TLE3: variants seen among roughly 807,000 people sequenced by gnomAD.
The protein encoded by TLE3 is transducin-like enhancer protein 3.
In TLE3, 14 loss-of-function variants were observed where a neutral mutation model predicts 93.0. That is an observed-to-expected ratio of 0.15 (90% CI 0.10 to 0.24). The LOEUF (loss-of-function observed/expected upper bound fraction) is 0.24. Ranked by LOEUF, TLE3 falls within the 10% of genes least tolerant of loss-of-function variation. The pLI, the probability that TLE3 is intolerant of heterozygous loss-of-function variation, is 1.00. For missense variants in TLE3, 693 were observed against 1,046.6 expected, an observed-to-expected ratio of 0.66 and a Z score of 4.66; for synonymous variants, 451 against 425.0, an observed-to-expected ratio of 1.06 and a Z score of -0.75.
At position 70,065,996 on chromosome 15, in the gene TLE3, G is replaced by GCCCCCCCCCCCCCC; in HGVS notation, c.577+17_577+18insGGGGGGGGGGGGGG. 1.5e-6 allele frequency: 2 copies of GCCCCCCCCCCCCCC among 1,347,796 alleles called. No homozygotes were observed. Among genetic ancestry groups the GCCCCCCCCCCCCCC allele is most frequent in the Non-Finnish European group, 2.1e-6 (2 of 955,752 alleles). The allele number at this position is 1,347,796 out of a possible 1,614,324, so 83.5% of individuals were successfully genotyped here. ...CCACCCCTGCCCCGCCCCACCCTCT[G>GCCCCCCCCCCCCCC]CCCCAGCCCAGCCGCACCTCTGTGA... is the stretch of plus-strand genomic sequence containing the variant. On this transcript the variant is annotated intron_variant, in intron 7 of 19. Coordinates refer to ENST00000451782, the MANE Select transcript of TLE3 (RefSeq NM_001105192.3).
At chr15:70,086,208 CAG>C (rs1053828002) in intron 4 of TLE3, among the ~76,000 whole-genome samples, 36 of 152,200 alleles carry the variant, frequency 2.4e-4, no homozygotes, top group African/African-American at 2.4e-5. Context: ...TCACCCCCAC[CAG>C]AGAGCTAGAA....
At chr15:70,064,083 G>A (rs1024493246) in intron 8 of TLE3, among the ~76,000 whole-genome samples, 8 of 152,166 alleles carry the variant, frequency 5.3e-5, no homozygotes, top group African/African-American at 9.7e-5. Context: ...CATATGAAAC[G>A]GAGTTAGAGC....
At position 70,057,509 on chromosome 15, in the gene TLE3, C is replaced by T. The variant is rs904014193; in HGVS notation, c.1201G>A (p.Ala401Thr). 6.8e-6 allele frequency: 11 copies of T among 1,607,516 alleles called. No individual in the cohort carries two copies. Among genetic ancestry groups the T allele is most frequent in the African/African-American group, 2.7e-5 (2 of 74,868 alleles). ...CGGCCATAGGCAGCGGCTGCAGCAG[C>T]GGCGGCGGCGCTCATCTGGGGTGGG... is the stretch of plus-strand genomic sequence containing the variant. ...NIPPQMSAAA[A>T]AAAAAYGRSP... Residue 401 changes from alanine (A) to threonine (T), a missense_variant, in exon 13 of 20, where the codon GCT becomes ACT. This residue lies in a region of TLE3 where 405 missense variants were observed against 468.9 expected (regional missense o/e 0.86). Coordinates refer to ENST00000451782, the MANE Select transcript of TLE3 (RefSeq NM_001105192.3).
intron 4 of TLE3, among the ~76,000 whole-genome samples, chr15:70,086,181 A>G (rs1450568404): frequency 6.6e-6 from 1 of 152,128 alleles, no homozygotes; most frequent in Non-Finnish European, 1.5e-5. Context: ...AGGAAGGTTA[A>G]TAGAAGTTCT....
intron 6 of TLE3, 152 bp downstream of exon 6, chr15:70,074,381 G>A (rs534838430): frequency 2.2e-6 from 2 of 926,998 alleles, no homozygotes; most frequent in African/African-American, 1.6e-5. Flanking sequence ...CCCTACATGG[G>A]TCCAAGCCCT....
intron 4 of TLE3, among the ~76,000 whole-genome samples, chr15:70,083,882 G>A (rs866808232): frequency 1.3e-5 from 2 of 152,122 alleles, no homozygotes; most frequent in African/African-American, 4.8e-5. Flanking sequence ...GGCAGAGACA[G>A]AGCCCCATTC....
rs538307572 is a variant in TLE3, at chr15:70,059,089, C to A, written c.766-274G>T. Among the ~76,000 whole-genome samples, 6 of 152,294 alleles carry A rather than the reference C, an allele frequency of 3.9e-5. No homozygotes were observed. The East Asian group carries it at 1.2e-3, about 29-fold the overall frequency. ...GGCCAAATGTAGATGCTCTCCAGCT[C>A]CTCCTCAGGCCCCTGAGGCTGAGAC... On this transcript the variant is annotated intron_variant, in intron 10 of 19. Transcript: ENST00000451782.
rs2055264607 is a variant in TLE3 at position 70,048,655 on chromosome 15, AAAAAC to A, written c.*1437_*1441del. The A allele has an allele frequency of 6.6e-6, 1 of 152,090 alleles. No individual in the cohort carries two copies. Among genetic ancestry groups the A allele is most frequent in the Non-Finnish European group, 1.5e-5 (1 of 67,990 alleles). The allele number at this position is 152,090 out of a possible 1,614,324, so 9.4% of individuals were successfully genotyped here. ...AAAAAAAAAAGACCAAAAGGAAAAA[AAAAAC>A]AAACAAAAAAAACCCAACCCAAATC... On this transcript the variant is annotated 3_prime_UTR_variant, in exon 20 of 20. Transcript: ENST00000451782.
intron 8 of TLE3, among the ~76,000 whole-genome samples, chr15:70,062,435 C>T (rs2056552290): frequency 6.6e-6 from 1 of 152,210 alleles, no homozygotes. Context: ...CGGTGCTCGG[C>T]TCGGGAGAAC....
Position 70,055,136 on chromosome 15 carries a change from G to C in TLE3, c.1491C>G (p.His497Gln). 1 of 1,614,054 alleles carries C rather than the reference G, an allele frequency of 6.2e-7. No individual in the cohort carries two copies. Among genetic ancestry groups the C allele is most frequent in the Non-Finnish European group, 8.5e-7 (1 of 1,179,996 alleles). ...CAVTISNPTR[H>Q]VYTGGKGCVK... Reference sequence around the variant, plus strand: ...CGCAGCCCTTGCCACCTGTGTAGACGTGCCTCGTGGGGTTGCTGATGGTCA... The same window carrying C: ...CGCAGCCCTTGCCACCTGTGTAGACCTGCCTCGTGGGGTTGCTGATGGTCA... Residue 497 changes from histidine (H) to glutamine (Q), a missense_variant, in exon 15 of 20, where the codon CAC becomes CAG. Coordinates refer to ENST00000451782, the MANE Select transcript of TLE3 (RefSeq NM_001105192.3).
rs1447056978 is a variant in TLE3, at chr15:70,096,812, C to A, written c.-14G>T. The stretch of plus-strand genomic sequence containing the variant: ...CTGCGGATACATGGCAGGGAGGGGT[C>A]GTGATTCCGAGAGCGTGGAAGCGCC... On this transcript the variant is annotated 5_prime_UTR_variant, in exon 1 of 20. Coordinates refer to ENST00000451782, the MANE Select transcript of TLE3 (RefSeq NM_001105192.3). 1 of 1,606,340 alleles carries A rather than the reference C, an allele frequency of 6.2e-7. No homozygotes were observed. The highest frequency in any genetic ancestry group is 1.1e-5 in the South Asian group (1 of 90,438).
At position 70,057,473 on chromosome 15, in the gene TLE3, C is replaced by A; in HGVS notation, c.1237G>T (p.Val413Leu). The A allele has an allele frequency of 6.2e-7, 1 of 1,604,440 alleles. No individual in the cohort carries two copies. The highest frequency in any genetic ancestry group is 8.5e-7 in the Non-Finnish European group (1 of 1,175,652). The change falls in exon 13 of 20, where the codon GTG (valine) becomes TTG (leucine). Residue 413 changes from valine to leucine, a missense_variant. By Grantham distance (32) the Val-to-Leu change is conservative (BLOSUM62 1). Coordinates refer to ENST00000451782, the MANE Select transcript of TLE3 (RefSeq NM_001105192.3). ...AAAAYGRSPMVSFGAVGFDPH... is the reference protein window; with the variant it reads ...AAAAYGRSPMLSFGAVGFDPH... ...GGTCTACGTACAGCTCCAAAGCTCA[C>A]CATTGGCGATCGGCCATAGGCAGCG...
chr15:70,074,313 G>A (rs2057334113), intron 6 of TLE3, among the ~76,000 whole-genome samples: 1 of 152,244 alleles, frequency 6.6e-6, no homozygotes, highest in Non-Finnish European at 1.5e-5. Flanking sequence ...TTTGAGGCGT[G>A]TCTGGCTCCC....
intron 6 of TLE3, among the ~76,000 whole-genome samples, chr15:70,071,608 A>G (rs562028009): frequency 6.6e-6 from 1 of 152,214 alleles, no homozygotes; most frequent in Admixed American, 6.5e-5. Flanking sequence ...CCAATGAGCA[A>G]GAGAGCCACT....
intron 4 of TLE3, among the ~76,000 whole-genome samples, chr15:70,078,445 G>A (rs1015000531): frequency 1.3e-5 from 2 of 152,244 alleles, no homozygotes; most frequent in African/African-American, 4.8e-5. Flanking sequence ...AAGCTCACAG[G>A]TCCAAGGCCT....
Position 70,049,977 on chromosome 15 carries a change from T to G in TLE3, c.*120A>C, listed in dbSNP as rs1474712007. 1.3e-6 allele frequency: 1 copy of G among 798,518 alleles called. No homozygotes were observed. Among genetic ancestry groups the G allele is most frequent in the Non-Finnish European group, 2.1e-6 (1 of 472,844 alleles). The allele number at this position is 798,518 out of a possible 1,614,324, so 49.5% of individuals were successfully genotyped here. On this transcript the variant is annotated 3_prime_UTR_variant, in exon 20 of 20. Transcript: ENST00000451782. ...CTCTCAGCCGGCCGGAGCGCAGCCC[T>G]GAACGCTCGGCTGCCTGCGGCCCAT... is the stretch of plus-strand genomic sequence containing the variant.
rs1971669419 is a variant in TLE3 at position 70,097,046 on chromosome 15, T to C, written c.-248A>G. 1 of 435,660 alleles carries C rather than the reference T, an allele frequency of 2.3e-6. No homozygotes were observed. Among genetic ancestry groups the C allele is most frequent in the African/African-American group, 2.2e-5 (1 of 44,694 alleles). 27.0% of individuals were successfully genotyped at this position (435,660 alleles called of 1,614,324 possible). On this transcript the variant is annotated 5_prime_UTR_variant, in exon 1 of 20. Coordinates refer to ENST00000451782, the MANE Select transcript of TLE3 (RefSeq NM_001105192.3). ...CCGGGGCCGGGCGGCGGGCGCGGGC[T>C]TTGTGCGCCTAGGGCTCGGCGGGCA... is the stretch of plus-strand genomic sequence containing the variant.
Position 70,057,614 on chromosome 15 carries a change from C to A in TLE3, c.1096G>T (p.Ala366Ser), listed in dbSNP as rs1470249047. The A allele has an allele frequency of 1.9e-6, 3 of 1,590,314 alleles. No individual in the cohort carries two copies. The highest frequency in any genetic ancestry group is 1.8e-5 in the Admixed American group (1 of 56,588). ...TGGTGGCTCATCATGGCGAAGGGCGCCGCATAGGAGCTGGTGATGGAGATG... is the reference window on the plus strand; with the variant it reads ...TGGTGGCTCATCATGGCGAAGGGCGACGCATAGGAGCTGGTGATGGAGATG... ...TPISITSSYAAPFAMMSHHEM... is the reference protein window; with the variant it reads ...TPISITSSYASPFAMMSHHEM... The change falls in exon 13 of 20, where the codon GCG (alanine) becomes TCG (serine). Residue 366 changes from alanine (A) to serine (S), a missense_variant. Physicochemically the swap from Ala to Ser is moderately conservative, Grantham distance 99 (BLOSUM62 1). This residue lies in a region of TLE3 where 405 missense variants were observed against 468.9 expected (regional missense o/e 0.86). Coordinates refer to ENST00000451782, the MANE Select transcript of TLE3 (RefSeq NM_001105192.3).
rs959236985 is a variant in TLE3, at chr15:70,058,330, C to T, written c.919-39G>A. 1.9e-6 allele frequency: 3 copies of T among 1,557,656 alleles called. No individual in the cohort carries two copies. In the South Asian group the frequency reaches 3.7e-5, roughly 19 times the overall value. On this transcript the variant is annotated intron_variant, in intron 11 of 19. Coordinates refer to ENST00000451782, the MANE Select transcript of TLE3 (RefSeq NM_001105192.3). The surrounding 1 kb of genome is among the most constrained non-coding windows in gnomAD (Gnocchi z 4.1). ...ATGCAGAACAAGGGAGGCCATGAGGCTTCCATTCTCCTAGGAGCCGGGCAC... is the reference window on the plus strand; with the variant it reads ...ATGCAGAACAAGGGAGGCCATGAGGTTTCCATTCTCCTAGGAGCCGGGCAC...
Sources: gnomAD v4.1 joint callset for allele counts (sites outside exome capture counted in the v4.1 genomes callset) on GRCh38, gnomAD v4.1.1 for gene constraint, gnomAD v4.1.1 regional missense constraint, Gnocchi (gnomAD v3.1) non-coding constraint, MANE v1.5 for transcripts, NCBI Gene and HGNC (gene_info 2026-07-23, HGNC 2026-07-21) for gene names.